The following DENND2C variants were observed in gnomAD, a reference collection of about 807,000 sequenced individuals.
The protein encoded by DENND2C is DENN domain containing 2C, also known as DENN domain-containing protein 2C.
DENND2C carries 72 observed loss-of-function variants against 112.4 expected under a neutral mutation model. The observed-to-expected ratio is 0.64, with a 90% CI of 0.53 to 0.78. DENND2C has a LOEUF of 0.78. Among genes scored for constraint, DENND2C ranks in the 30% least tolerant of loss-of-function variants. The pLI, the probability that DENND2C is intolerant of heterozygous loss-of-function variation, is 0.00. For missense variants in DENND2C, 992 were observed against 1,113.8 expected (o/e 0.89, Z 1.56); for synonymous variants, 329 against 381.6 (o/e 0.86, Z 1.61).
At position 114,600,323 on chromosome 1, in the gene DENND2C, G is replaced by A; in HGVS notation, c.1986C>T (p.Ser662=). The A allele has an allele frequency of 6.2e-7, 1 of 1,614,042 alleles. No homozygotes were observed. The highest frequency in any genetic ancestry group is 8.5e-7 in the Non-Finnish European group (1 of 1,179,982). The change falls in exon 15 of 21, where the codon TCC becomes TCT. Residue 662 remains serine, a synonymous_variant. Transcript: ENST00000393274. ...ESIELCRPLD[S]RLEHVDFKCL... is the part of the protein sequence containing the mutation. Reference sequence around the variant, plus strand: ...ATTTAAAATCAACATGTTCCAATCGGGAATCTAGTGGTCGGCAGAGTTCAA... The same window carrying A: ...ATTTAAAATCAACATGTTCCAATCGAGAATCTAGTGGTCGGCAGAGTTCAA...
At chr1:114,626,970 G>A (rs190185617) in intron 3 of DENND2C, among the ~76,000 whole-genome samples, 10 of 152,156 alleles carry the variant, frequency 6.6e-5, no homozygotes, top group Admixed American at 5.2e-4. Context: ...CCTGTCCTAC[G>A]TTGATTAATA....
Position 114,617,103 on chromosome 1 carries a change from CT to C in DENND2C, c.1324+1282del, listed in dbSNP as rs1178496381. 3.9e-5 allele frequency among the ~76,000 whole-genome samples: 6 copies of C among 152,226 alleles called. No homozygotes were observed. In the East Asian group the frequency reaches 1.2e-3, roughly 29 times the overall value. ...TCCCCCATGATTCAATTACTTCCCCCTGGGTCCCTCCCACAACATATGGGAA... is the reference window on the plus strand; with the variant it reads ...TCCCCCATGATTCAATTACTTCCCCCGGGTCCCTCCCACAACATATGGGAA... On this transcript the variant is annotated intron_variant, in intron 8 of 20. Transcript: ENST00000393274.
intron 17 of DENND2C, chr1:114,595,219 G>A (rs1655308963): frequency 2.0e-5 from 3 of 152,798 alleles, no homozygotes; most frequent in Non-Finnish European, 4.4e-5. Flanking sequence ...GGTGGCTCAC[G>A]CCTGTAATCC....
At chr1:114,625,076 C>T (rs944058146) in intron 4 of DENND2C, 103 bp downstream of exon 4, 9 of 1,182,034 alleles carry the variant, frequency 7.6e-6, no homozygotes, top group Middle Eastern at 2.9e-4. Flanking sequence ...GCAGGGGCAT[C>T]ACCTAAGCTG....
intron 11 of DENND2C, 140 bp downstream of exon 11, chr1:114,604,782 C>T (rs1655611968): frequency 1.6e-6 from 1 of 626,340 alleles, no homozygotes; most frequent in Non-Finnish European, 2.8e-6. Context: ...TCTAGTTCTG[C>T]TTCTTCCTTT....
At chr1:114,612,965 T>C (rs1365213179) in intron 8 of DENND2C, among the ~76,000 whole-genome samples, 1 of 152,192 alleles carries the variant, frequency 6.6e-6, no homozygotes, top group Non-Finnish European at 1.5e-5. Flanking sequence ...CTGGCCAACA[T>C]TTTAAATCCA....
At chr1:114,613,903 A>G (rs1020378039) in intron 8 of DENND2C, among the ~76,000 whole-genome samples, 2 of 152,208 alleles carry the variant, frequency 1.3e-5, no homozygotes, top group African/African-American at 4.8e-5. Flanking sequence ...AAGAAGGCTG[A>G]TAAGTCATTT....
chr1:114,625,638 C>CT lies in DENND2C; in HGVS notation c.346_347insA (p.Trp116Ter). The CT allele has an allele frequency of 6.2e-7, 1 of 1,614,044 alleles. No homozygotes were observed. Among genetic ancestry groups the CT allele is most frequent in the East Asian group, 2.2e-5 (1 of 44,866 alleles). The change falls in exon 4 of 21, where the codon TGG becomes TAGG. Residue 116 changes from tryptophan to a stop codon, truncating the protein, a stop_gained and frameshift_variant. Coordinates refer to ENST00000393274, the MANE Select transcript of DENND2C (RefSeq NM_001256404.2). LOFTEE classifies it high-confidence loss of function. Reference sequence around the variant, plus strand: ...AATTTCTTTGACCCGAGAACATACCCAGTTGGATTCTGATTCATTTTTAAA... The same window carrying CT: ...AATTTCTTTGACCCGAGAACATACCCTAGTTGGATTCTGATTCATTTTTAAA... ...HFFKNESESN[W>*]VCSRVKEIES... is the part of the protein sequence containing the mutation.
At chr1:114,623,454 G>T in intron 5 of DENND2C, 53 bp downstream of exon 5, 1 of 1,544,162 alleles carries the variant, frequency 6.5e-7, no homozygotes, top group Non-Finnish European at 8.8e-7. Context: ...ACAATTAAGG[G>T]CTTCACCAAA....
intron 3 of DENND2C, among the ~76,000 whole-genome samples, chr1:114,644,353 T>C (rs916053273): frequency 3.3e-5 from 5 of 152,166 alleles, no homozygotes; most frequent in African/African-American, 1.2e-4. Flanking sequence ...TATAAGCTTT[T>C]TTACTACTGT....
chr1:114,642,011 G>A (rs1374413795), intron 3 of DENND2C, among the ~76,000 whole-genome samples: 1 of 152,072 alleles, frequency 6.6e-6, no homozygotes, highest in Admixed American at 6.6e-5. Flanking sequence ...GGAGTGAAGT[G>A]GCACAATCTC....
chr1:114,620,067 C>A (rs1472892423), intron 7 of DENND2C, among the ~76,000 whole-genome samples: 2 of 152,158 alleles, frequency 1.3e-5, no homozygotes, highest in African/African-American at 4.8e-5. Context: ...GGCAAATGGA[C>A]TAGATCAGTG....
At chr1:114,637,369 CA>C (rs71575188) in intron 3 of DENND2C, among the ~76,000 whole-genome samples, 11,294 of 125,896 alleles carry the variant, frequency 0.09, 297 homozygotes, top group African/African-American at 0.12. Flanking sequence ...GACTCTGTCT[CA>C]AAAAAAAAAA....
chr1:114,640,780 A>G (rs917978919), intron 3 of DENND2C, among the ~76,000 whole-genome samples: 24 of 152,258 alleles, frequency 1.6e-4, no homozygotes, highest in Non-Finnish European at 3.5e-4. Context: ...ACACAAAAAC[A>G]TAAATTTTTT....
intron 2 of DENND2C, among the ~76,000 whole-genome samples, chr1:114,650,435 C>A (rs545593443): frequency 6.6e-6 from 1 of 150,806 alleles, no homozygotes; most frequent in East Asian, 2.0e-4. Context: ...GAGGCCGAGG[C>A]GGATGGATCA....
intron 1 of DENND2C, among the ~76,000 whole-genome samples, chr1:114,661,183 T>A (rs1460466804): frequency 6.6e-6 from 1 of 151,012 alleles, no homozygotes; most frequent in Non-Finnish European, 1.5e-5. Flanking sequence ...CAACTTACAA[T>A]ATCAGCGACC....
chr1:114,611,030 A>T, intron 9 of DENND2C, 43 bp downstream of exon 9: 2 of 1,613,414 alleles, frequency 1.2e-6, no homozygotes, highest in Non-Finnish European at 1.7e-6. Context: ...CACCTAACCC[A>T]TGATCATCAC....
At chr1:114,615,667 G>A (rs1331681782) in intron 8 of DENND2C, among the ~76,000 whole-genome samples, 2 of 152,234 alleles carry the variant, frequency 1.3e-5, no homozygotes, top group African/African-American at 2.4e-5. Context: ...ACAGTGACCA[G>A]TTGATTTTAA....
intron 2 of DENND2C, among the ~76,000 whole-genome samples, chr1:114,648,099 C>T (rs1032636148): frequency 2.0e-5 from 3 of 152,170 alleles, no homozygotes; most frequent in Admixed American, 6.5e-5. Flanking sequence ...TGAGTCACCG[C>T]GCCTGGCCTT....
Sources: gnomAD v4.1 joint callset for allele counts (sites outside exome capture counted in the v4.1 genomes callset) on GRCh38, gnomAD v4.1.1 for gene constraint, MANE v1.5 for transcripts, NCBI Gene and HGNC (gene_info 2026-07-23, HGNC 2026-07-21) for gene names.